The following ACSS3 variants were observed in gnomAD, a reference collection of about 807,000 sequenced individuals.
ACSS3 encodes the protein acyl-CoA synthetase short chain family member 3.
In ACSS3, 64 loss-of-function variants were observed where a neutral mutation model predicts 84.2. The ratio of observed to expected loss-of-function variants is 0.76; its 90% confidence interval spans 0.62 to 0.94. ACSS3 has a LOEUF of 0.94. Ranked by LOEUF, ACSS3 falls within the 40% of genes least tolerant of loss-of-function variation. The pLI is 0.00. For synonymous variants in ACSS3, 317 were observed against 310.1 expected, an observed-to-expected ratio of 1.02 and a Z score of -0.23; for missense variants, 815 against 867.6, an observed-to-expected ratio of 0.94 and a Z score of 0.76.
At position 81,191,240 on chromosome 12, in the gene ACSS3, T is replaced by G. The variant is rs150014942; in HGVS notation, c.1251-8101T>G. The stretch of plus-strand genomic sequence containing the variant: ...TATTTTCATTCTTGGTATTGAACAT[T>G]CTATGAAGTTTAAGTATTGTGACAT... On this transcript the variant is annotated intron_variant, in intron 8 of 15. Coordinates refer to ENST00000548058, the MANE Select transcript of ACSS3 (RefSeq NM_024560.4). Among the ~76,000 whole-genome samples the G allele has an allele frequency of 2.1e-3, 322 of 152,224 alleles. 1 individual carries two copies. The highest frequency in any genetic ancestry group is 7.1e-3 in the African/African-American group (294 of 41,568).
chr12:81,078,353 G>T lies in ACSS3; in HGVS notation c.233G>T (p.Gly78Val), dbSNP rs1013913366. ...ASVTDPERFWGKAAEQISWYK... is the reference protein window; with the variant it reads ...ASVTDPERFWVKAAEQISWYK... ...GTGACCGACCCCGAGAGGTTCTGGG[G>T]CAAAGCTGCCGAGCAGATCAGCTGG... The change falls in exon 1 of 16, where the codon GGC becomes GTC. Residue 78 changes from glycine (G) to valine (V), a missense_variant. Coordinates refer to ENST00000548058, the MANE Select transcript of ACSS3 (RefSeq NM_024560.4). The T allele has an allele frequency of 6.2e-7, 1 of 1,612,574 alleles. No individual in the cohort carries two copies. The highest frequency in any genetic ancestry group is 1.3e-5 in the African/African-American group (1 of 74,878).
intron 1 of ACSS3, among the ~76,000 whole-genome samples, chr12:81,107,511 C>CACACACATATATAT (rs1403415163): frequency 7.7e-5 from 3 of 38,834 alleles, no homozygotes; most frequent in African/African-American, 2.6e-4. Flanking sequence ...CAAATATATA[C>CACACACATATATAT]ATATATATAT....
chr12:81,121,280 G>A (rs1279006402), intron 2 of ACSS3, among the ~76,000 whole-genome samples: 1 of 152,116 alleles, frequency 6.6e-6, no homozygotes, highest in Non-Finnish European at 1.5e-5. Flanking sequence ...GGAAGTGCTG[G>A]GGGTGTTTGT....
intron 7 of ACSS3, among the ~76,000 whole-genome samples, chr12:81,159,990 A>G (rs112147899): frequency 3.3e-4 from 50 of 152,336 alleles, no homozygotes; most frequent in Non-Finnish European, 1.5e-5. Context: ...TGTTGTACAC[A>G]TATTTCAATT....
chr12:81,132,391 T>A (rs1885561504), intron 2 of ACSS3, among the ~76,000 whole-genome samples: 1 of 152,202 alleles, frequency 6.6e-6, no homozygotes, highest in South Asian at 2.1e-4. Flanking sequence ...ATCCATTTCT[T>A]CTAGATTTTC....
At chr12:81,117,110 C>A (rs979490063) in intron 2 of ACSS3, among the ~76,000 whole-genome samples, 6 of 152,136 alleles carry the variant, frequency 3.9e-5, no homozygotes, top group African/African-American at 1.4e-4. Context: ...GGTGGCTAAA[C>A]CCTGGTCTTT....
At chr12:81,233,495 A>G (rs376357453) in intron 13 of ACSS3, 24 bp downstream of exon 13, 1 of 1,609,102 alleles carries the variant, frequency 6.2e-7, no homozygotes, top group East Asian at 2.2e-5. Context: ...TTGGTATTCT[A>G]TTCCAAGTAG....
intron 11 of ACSS3, among the ~76,000 whole-genome samples, chr12:81,224,766 C>T (rs943606587): frequency 2.6e-5 from 4 of 151,786 alleles, no homozygotes; most frequent in Admixed American, 2.0e-4. Context: ...TTGTACTGTC[C>T]TGCTTAGTCT....
Position 81,220,226 on chromosome 12 carries a change from T to C in ACSS3, c.1514+150T>C, listed in dbSNP as rs539685095. 7.7e-5 allele frequency: 33 copies of C among 428,256 alleles called. No individual in the cohort carries two copies. The South Asian group carries it at 3.3e-3, about 42-fold the overall frequency. The allele number at this position is 428,256 out of a possible 1,614,324, so 26.5% of individuals were successfully genotyped here. On this transcript the variant is annotated intron_variant, in intron 11 of 15. Transcript: ENST00000548058. ...AAGAACTGTGTCAGCTGTGTTGTAA[T>C]TTAAACATAGAAGCCCCATAAAATA...
intron 1 of ACSS3, among the ~76,000 whole-genome samples, chr12:81,105,405 A>G (rs1361401191): frequency 2.0e-5 from 3 of 152,218 alleles, no homozygotes; most frequent in East Asian, 1.9e-4. Flanking sequence ...AAAAGAATCA[A>G]TTGAACTGGA....
chr12:81,141,764 A>G (rs1353976986), intron 4 of ACSS3, among the ~76,000 whole-genome samples: 2 of 152,116 alleles, frequency 1.3e-5, no homozygotes, highest in Admixed American at 1.3e-4. Context: ...ATAATTTGCA[A>G]TTAGTTGCTT....
chr12:81,141,025 G>A (rs1886068290), intron 4 of ACSS3, among the ~76,000 whole-genome samples: 2 of 152,128 alleles, frequency 1.3e-5, no homozygotes, highest in African/African-American at 2.4e-5. Flanking sequence ...CAAAGTCACG[G>A]CTACTAAGTG....
intron 9 of ACSS3, among the ~76,000 whole-genome samples, chr12:81,206,545 G>A (rs574869919): frequency 5.1e-4 from 78 of 152,074 alleles, no homozygotes; most frequent in Non-Finnish European, 9.7e-4. Context: ...AGTTGTGATG[G>A]GGGAAAAAGC....
At chr12:81,110,892 C>G (rs181883429) in intron 2 of ACSS3, among the ~76,000 whole-genome samples, 1 of 152,298 alleles carries the variant, frequency 6.6e-6, no homozygotes, top group East Asian at 1.9e-4. Flanking sequence ...TTTAAGGGTT[C>G]CATTCCATTT....
chr12:81,180,497 A>C (rs1565707810), intron 8 of ACSS3, among the ~76,000 whole-genome samples: 1 of 152,104 alleles, frequency 6.6e-6, no homozygotes, highest in African/African-American at 2.4e-5. Context: ...CTATGTATCT[A>C]TCTATGTATC....
intron 1 of ACSS3, among the ~76,000 whole-genome samples, chr12:81,095,143 C>A (rs755638456): frequency 2.8e-4 from 42 of 152,152 alleles, no homozygotes; most frequent in Non-Finnish European, 5.3e-4. Context: ...GCCCTGGGGG[C>A]ATTCTGGATT....
chr12:81,102,407 G>A (rs1882589657), intron 1 of ACSS3, among the ~76,000 whole-genome samples: 1 of 152,168 alleles, frequency 6.6e-6, no homozygotes, highest in African/African-American at 2.4e-5. Context: ...AAGTTTGTGT[G>A]ATGTCTGTGC....
intron 5 of ACSS3, among the ~76,000 whole-genome samples, chr12:81,143,797 C>T (rs1175316653): frequency 6.6e-6 from 1 of 152,088 alleles, no homozygotes; most frequent in African/African-American, 2.4e-5. Context: ...ATGGAAGACA[C>T]TCAAGGATTT....
intron 8 of ACSS3, among the ~76,000 whole-genome samples, chr12:81,187,757 A>G (rs2031350885): frequency 6.6e-6 from 1 of 152,026 alleles, no homozygotes; most frequent in African/African-American, 2.4e-5. Flanking sequence ...GTATATTTTT[A>G]TCCCTCTGGT....
Sources: allele counts gnomAD v4.1 joint callset (sites outside exome capture counted in the v4.1 genomes callset), GRCh38; gene constraint gnomAD v4.1.1; transcripts MANE v1.5; gene names NCBI Gene and HGNC (gene_info 2026-07-23, HGNC 2026-07-21).